Variants in FBXL20 observed in about 807,000 individuals in gnomAD.
The protein encoded by FBXL20 is F-box and leucine rich repeat protein 20.
FBXL20 carries 11 observed loss-of-function variants against 64.0 expected under a neutral mutation model. The ratio of observed to expected loss-of-function variants is 0.17; its 90% CI spans 0.11 to 0.28. The LOEUF is 0.28. Ranked by LOEUF, FBXL20 falls within the 10% of genes least tolerant of loss-of-function variation. The probability of loss-of-function intolerance (pLI) is 1.00; values close to 1 mark genes in which losing one functional copy is unlikely to be tolerated. For synonymous variants in FBXL20, 184 were observed against 189.0 expected (o/e 0.97, Z 0.22); for missense variants, 303 against 526.2 (o/e 0.58, Z 4.15).
rs2047981449 is a variant in FBXL20 at position 39,377,699 on chromosome 17, T to A, written c.42+23662A>T. ...TGTATTTTTTAGTGGAGACGGGGTT[T>A]CACCGTGTTAGCCAGGATGGTCTCG... On this transcript the variant is annotated intron_variant, in intron 1 of 14. Transcript: ENST00000264658. 2.0e-5 allele frequency among the ~76,000 whole-genome samples: 3 copies of A among 152,170 alleles called. No homozygotes were observed. The South Asian group carries it at 6.2e-4, about 31-fold the overall frequency.
At chr17:39,281,040 A>G (rs939602260) in intron 9 of FBXL20, among the ~76,000 whole-genome samples, 4 of 152,210 alleles carry the variant, frequency 2.6e-5, no homozygotes, top group Non-Finnish European at 5.9e-5. Flanking sequence ...CTGGGATTAC[A>G]GGCATGAGCC....
chr17:39,399,911 C>A, intron 1 of FBXL20, among the ~76,000 whole-genome samples: 1 of 152,084 alleles, frequency 6.6e-6, no homozygotes, highest in East Asian at 1.9e-4. Context: ...AGACTGTCCC[C>A]GACTCAAATC....
intron 2 of FBXL20, among the ~76,000 whole-genome samples, chr17:39,340,472 C>G (rs1050184727): frequency 6.6e-6 from 1 of 152,168 alleles, no homozygotes; most frequent in Non-Finnish European, 1.5e-5. Flanking sequence ...TCAAGTGATC[C>G]GCCTGCCTTG....
rs113009704 is a variant in FBXL20 at position 39,345,082 on chromosome 17, C to T, written c.43-1841G>A. 3.9e-4 allele frequency among the ~76,000 whole-genome samples: 60 copies of T among 152,160 alleles called. 1 individual carries two copies. The highest frequency in any genetic ancestry group is 3.4e-3 in the Middle Eastern group (1 of 294). On this transcript the variant is annotated intron_variant, in intron 1 of 14. Coordinates refer to ENST00000264658, the MANE Select transcript of FBXL20 (RefSeq NM_032875.3). ...TAAAAATGGCACATACACATGTGACCGAAGCTGAGAGAAATACGTTCCGTC... is the reference window on the plus strand; with the variant it reads ...TAAAAATGGCACATACACATGTGACTGAAGCTGAGAGAAATACGTTCCGTC...
intron 1 of FBXL20, among the ~76,000 whole-genome samples, chr17:39,394,917 T>C (rs2048168419): frequency 6.6e-6 from 1 of 152,018 alleles, no homozygotes; most frequent in Non-Finnish European, 1.5e-5. Context: ...ATGTTACTAG[T>C]TGAGAAACAG....
intron 2 of FBXL20, among the ~76,000 whole-genome samples, chr17:39,310,910 AG>A (rs546873415): frequency 4.3e-4 from 66 of 151,980 alleles, no homozygotes; most frequent in Non-Finnish European, 7.9e-4. Context: ...GCTTGAACCC[AG>A]GGGGGCAGAG....
chr17:39,374,267 G>A (rs2047945989), intron 1 of FBXL20, among the ~76,000 whole-genome samples: 1 of 151,836 alleles, frequency 6.6e-6, no homozygotes, highest in Non-Finnish European at 1.5e-5. Context: ...AATGGCTCAC[G>A]CCTGTAATCC....
At chr17:39,339,614 C>T (rs1490315249) in intron 2 of FBXL20, among the ~76,000 whole-genome samples, 8 of 151,908 alleles carry the variant, frequency 5.3e-5, no homozygotes, top group African/African-American at 7.3e-5. Flanking sequence ...TACTACCGTA[C>T]AGTTGAAGAA....
intron 1 of FBXL20, among the ~76,000 whole-genome samples, chr17:39,394,792 C>A (rs1177948232): frequency 6.6e-6 from 1 of 152,032 alleles, no homozygotes; most frequent in East Asian, 1.9e-4. Context: ...CTCCTGACCT[C>A]AAGTGATCCG....
At chr17:39,312,918 C>CTTTT (rs56972736) in intron 2 of FBXL20, among the ~76,000 whole-genome samples, 1,450 of 110,580 alleles carry the variant, frequency 0.013, 103 homozygotes, top group African/African-American at 0.052. Flanking sequence ...AAGATAGTTA[C>CTTTT]TTTTTTTTTT....
At chr17:39,382,670 AT>A (rs900522353) in intron 1 of FBXL20, among the ~76,000 whole-genome samples, 23 of 149,050 alleles carry the variant, frequency 1.5e-4, no homozygotes, top group South Asian at 2.2e-4. Context: ...CACTGCTACA[AT>A]TTTTTTTTTC....
At chr17:39,396,006 TG>T (rs1272792377) in intron 1 of FBXL20, among the ~76,000 whole-genome samples, 135 of 112,468 alleles carry the variant, frequency 1.2e-3, no homozygotes, top group African/African-American at 5.8e-3. Flanking sequence ...AAGAGTTTTG[TG>T]GGGTTTTTTT....
intron 2 of FBXL20, among the ~76,000 whole-genome samples, chr17:39,340,659 A>C (rs1030742518): frequency 6.6e-6 from 1 of 152,170 alleles, no homozygotes; most frequent in Non-Finnish European, 1.5e-5. Context: ...TTGTTTAAGT[A>C]TGACACTATT....
chr17:39,386,337 A>G (rs766265570), intron 1 of FBXL20, among the ~76,000 whole-genome samples: 24 of 151,376 alleles, frequency 1.6e-4, no homozygotes, highest in Non-Finnish European at 2.5e-4. Context: ...ATAAAAATTA[A>G]TCAGTCTAGG....
chr17:39,308,494 T>TA lies in FBXL20; in HGVS notation c.105-4856dup, dbSNP rs2047203066. Among the ~76,000 whole-genome samples the TA allele has an allele frequency of 1.3e-5, 2 of 149,292 alleles. 1 individual carries two copies. The highest frequency in any genetic ancestry group is 1.3e-4 in the Admixed American group (2 of 15,036). ...TGGGCAACAGAGCCAGACTGTCTCT[T>TA]AAAAAAAGAAAAAAAAATAGGTTTC... On this transcript the variant is annotated intron_variant, in intron 2 of 14. Transcript: ENST00000264658.
At chr17:39,384,097 T>G (rs1222371637) in intron 1 of FBXL20, among the ~76,000 whole-genome samples, 2 of 151,836 alleles carry the variant, frequency 1.3e-5, no homozygotes, top group Non-Finnish European at 2.9e-5. Flanking sequence ...CAGCCAGGCA[T>G]GGCAGCATGC....
At chr17:39,350,346 A>C (rs1480784538) in intron 1 of FBXL20, among the ~76,000 whole-genome samples, 1 of 151,934 alleles carries the variant, frequency 6.6e-6, no homozygotes, top group Non-Finnish European at 1.5e-5. Context: ...AAAATTAGCC[A>C]GGCATGGTGT....
intron 2 of FBXL20, among the ~76,000 whole-genome samples, chr17:39,307,507 C>T (rs2047193787): frequency 6.6e-6 from 1 of 152,154 alleles, no homozygotes; most frequent in African/African-American, 2.4e-5. Flanking sequence ...AGCAGCAGCA[C>T]AACCCTATAC....
intron 6 of FBXL20, among the ~76,000 whole-genome samples, chr17:39,289,829 T>G (rs1283409464): frequency 3.3e-5 from 5 of 151,722 alleles, no homozygotes; most frequent in Non-Finnish European, 1.5e-5. Flanking sequence ...ACCCTGCCTC[T>G]ACTAAAAATA....
Sources: allele counts gnomAD v4.1 joint callset (sites outside exome capture counted in the v4.1 genomes callset), GRCh38; gene constraint gnomAD v4.1.1; transcripts MANE v1.5; gene names NCBI Gene and HGNC (gene_info 2026-07-23, HGNC 2026-07-21).